The following USP12 variants were observed in gnomAD, a reference collection of about 807,000 sequenced individuals.
USP12 encodes ubiquitin specific peptidase 12.
In USP12, 19 loss-of-function variants were observed where a neutral mutation model predicts 45.5. The observed-to-expected ratio is 0.42, with a 90% CI of 0.29 to 0.61. The LOEUF (loss-of-function observed/expected upper bound fraction) is 0.61, where lower values mean the gene tolerates loss of function less well. Among genes scored for constraint, USP12 ranks in the 20% least tolerant of loss-of-function variants. The pLI, the probability that USP12 is intolerant of heterozygous loss-of-function variation, is 0.22. For missense variants in USP12, 242 were observed against 447.7 expected, an observed-to-expected ratio of 0.54 and a Z score of 4.15; for synonymous variants, 149 against 148.8, an observed-to-expected ratio of 1.00 and a Z score of -0.01.
At chr13:27,144,954 C>G (rs1877246317) in intron 1 of USP12, among the ~76,000 whole-genome samples, 1 of 151,978 alleles carries the variant, frequency 6.6e-6, no homozygotes, top group Non-Finnish European at 1.5e-5. Context: ...GTAATCCCAG[C>G]TACTCAGAAG....
At chr13:27,107,221 A>G (rs958158844) in intron 2 of USP12, among the ~76,000 whole-genome samples, 2 of 152,176 alleles carry the variant, frequency 1.3e-5, no homozygotes, top group Non-Finnish European at 2.9e-5. Context: ...ACTACTCAGG[A>G]GGCTGAGGTA....
Position 27,171,656 on chromosome 13 carries a change from T to C in USP12, c.-17A>G. 7.9e-7 allele frequency: 1 copy of C among 1,262,406 alleles called. No individual in the cohort carries two copies. The highest frequency in any genetic ancestry group is 1.0e-6 in the Non-Finnish European group (1 of 970,318). The allele number at this position is 1,262,406 out of a possible 1,614,324, so 78.2% of individuals were successfully genotyped here. The stretch of plus-strand genomic sequence containing the variant: ...GATTTCCATCCGGCCAGCGCCATCT[T>C]CCACCCAATCACAGCGGCGGCGGCG... On this transcript the variant is annotated 5_prime_UTR_variant, in exon 1 of 9. Transcript: ENST00000282344.
At chr13:27,074,145 A>C (rs1352952853) in intron 7 of USP12, among the ~76,000 whole-genome samples, 1 of 152,254 alleles carries the variant, frequency 6.6e-6, no homozygotes, top group Admixed American at 6.5e-5. Context: ...TCACGCGTGT[A>C]ATCCCAGCAC....
chr13:27,132,165 AG>A, intron 1 of USP12, among the ~76,000 whole-genome samples: 1 of 152,304 alleles, frequency 6.6e-6, no homozygotes, highest in Non-Finnish European at 1.5e-5. Flanking sequence ...TCATATATTC[AG>A]GGATTATAAC....
chr13:27,145,651 C>G (rs1035235786), intron 1 of USP12, among the ~76,000 whole-genome samples: 8 of 152,086 alleles, frequency 5.3e-5, no homozygotes. Flanking sequence ...CTGCAATACT[C>G]ATTTGTCACT....
intron 1 of USP12, among the ~76,000 whole-genome samples, chr13:27,123,223 T>C (rs1233055373): frequency 6.6e-6 from 1 of 152,224 alleles, no homozygotes; most frequent in Non-Finnish European, 1.5e-5. Context: ...AGTCTGGTCT[T>C]GGCCATGACA....
intron 1 of USP12, among the ~76,000 whole-genome samples, chr13:27,171,125 C>G (rs1878581433): frequency 2.7e-5 from 4 of 150,536 alleles, no homozygotes; most frequent in Admixed American, 2.6e-4. Flanking sequence ...GCTCGGCGCG[C>G]GACCAGAAGG....
At chr13:27,082,109 C>A (rs1178163531) in intron 6 of USP12, among the ~76,000 whole-genome samples, 1 of 152,186 alleles carries the variant, frequency 6.6e-6, no homozygotes, top group Non-Finnish European at 1.5e-5. Flanking sequence ...TCCTTTGAAG[C>A]TGGGCGCTCA....
At chr13:27,115,294 T>C (rs1216662639) in intron 2 of USP12, among the ~76,000 whole-genome samples, 1 of 152,062 alleles carries the variant, frequency 6.6e-6, no homozygotes, top group East Asian at 1.9e-4. Context: ...AAAAAATAAG[T>C]GAGAGGAGTA....
chr13:27,154,919 G>C (rs749999376), intron 1 of USP12, among the ~76,000 whole-genome samples: 1 of 151,964 alleles, frequency 6.6e-6, no homozygotes, highest in African/African-American at 2.4e-5. Flanking sequence ...GATGCTGCAG[G>C]GGCCAGGAGC....
chr13:27,171,225 G>A (rs1425719574), intron 1 of USP12, among the ~76,000 whole-genome samples: 3 of 150,318 alleles, frequency 2.0e-5, no homozygotes, highest in Non-Finnish European at 4.5e-5. Flanking sequence ...CCTCACCCCG[G>A]CACAGGCCGG....
intron 3 of USP12, among the ~76,000 whole-genome samples, chr13:27,099,328 C>G (rs1284629178): frequency 6.6e-6 from 1 of 152,180 alleles, no homozygotes; most frequent in Non-Finnish European, 1.5e-5. Context: ...CACTTCCTCG[C>G]TCCCTGTCAC....
intron 6 of USP12, chr13:27,089,513 G>C (rs1874216349): frequency 5.8e-6 from 1 of 173,784 alleles, no homozygotes; most frequent in South Asian, 1.5e-4. Flanking sequence ...AACATCCTAT[G>C]TAGGAAAAGC....
At position 27,078,670 on chromosome 13, in the gene USP12, T is replaced by G. The variant is rs377200398; in HGVS notation, c.735-3282A>C. Among the ~76,000 whole-genome samples, 17 of 151,664 alleles carry G rather than the reference T, an allele frequency of 1.1e-4. No individual in the cohort carries two copies. The East Asian group carries it at 1.7e-3, about 16-fold the overall frequency. On this transcript the variant is annotated intron_variant, in intron 6 of 8. Coordinates refer to ENST00000282344, the MANE Select transcript of USP12 (RefSeq NM_182488.4). ...AGTCTTACCAGAAATAAAGAATACT[T>G]CATAATAATGAAGGTCAATTAACTA...
chr13:27,085,400 T>C (rs539049125), intron 6 of USP12, among the ~76,000 whole-genome samples: 3 of 152,174 alleles, frequency 2.0e-5, no homozygotes, highest in East Asian at 1.9e-4. Flanking sequence ...AGGCTGGTCT[T>C]GAACTCCTGA....
At chr13:27,111,892 G>A (rs1246945409) in intron 2 of USP12, among the ~76,000 whole-genome samples, 1 of 151,910 alleles carries the variant, frequency 6.6e-6, no homozygotes, top group Non-Finnish European at 1.5e-5. Flanking sequence ...TTGGATATGT[G>A]GTTTTAATGG....
At chr13:27,139,867 C>T (rs1338166133) in intron 1 of USP12, among the ~76,000 whole-genome samples, 1 of 152,120 alleles carries the variant, frequency 6.6e-6, no homozygotes, top group Non-Finnish European at 1.5e-5. Flanking sequence ...ATGACTTATC[C>T]TTACAGAAAG....
intron 1 of USP12, among the ~76,000 whole-genome samples, chr13:27,170,498 T>A (rs1296916673): frequency 6.6e-6 from 1 of 152,220 alleles, no homozygotes; most frequent in Non-Finnish European, 1.5e-5. Context: ...CTTTTTTCGG[T>A]GATGACTCAT....
intron 8 of USP12, 143 bp from the exon 9 acceptor site, chr13:27,069,527 A>C (rs928193456): frequency 1.1e-5 from 7 of 640,888 alleles, no homozygotes; most frequent in Non-Finnish European, 1.6e-5. Context: ...AGGGCACACC[A>C]AAAAAATGTT....
Sources: gnomAD v4.1 joint callset for allele counts (sites outside exome capture counted in the v4.1 genomes callset) on GRCh38, gnomAD v4.1.1 for gene constraint, MANE v1.5 for transcripts, NCBI Gene and HGNC (gene_info 2026-07-23, HGNC 2026-07-21) for gene names.